TAF2: variants seen among roughly 807,000 people sequenced by gnomAD.
TAF2 encodes transcription initiation factor TFIID subunit 2.
A neutral mutation model predicts 138.5 loss-of-function variants in TAF2; 61 were observed. The observed-to-expected ratio is 0.44, with a 90% CI of 0.36 to 0.54. The LOEUF (loss-of-function observed/expected upper bound fraction) is 0.54. Ranked by LOEUF, TAF2 falls within the 20% of genes least tolerant of loss-of-function variation. The pLI is 0.00. For missense variants in TAF2, 1,090 were observed against 1,427.9 expected (o/e 0.76, Z 3.81); for synonymous variants, 475 against 469.9 (o/e 1.01, Z -0.14).
chr8:119,807,896 T>C (rs573461093), intron 3 of TAF2, among the ~76,000 whole-genome samples: 12 of 152,250 alleles, frequency 7.9e-5, no homozygotes, highest in African/African-American at 1.9e-4. Context: ...CACTCCAACC[T>C]GGGCAACAGA....
At chr8:119,748,743 T>A (rs1453388683) in intron 22 of TAF2, among the ~76,000 whole-genome samples, 10 of 152,128 alleles carry the variant, frequency 6.6e-5, no homozygotes, top group Non-Finnish European at 1.3e-4. Flanking sequence ...GAGGAGGTTA[T>A]CAGATTCCTG....
At chr8:119,831,099 T>C (rs916444523) in intron 2 of TAF2, among the ~76,000 whole-genome samples, 2 of 152,138 alleles carry the variant, frequency 1.3e-5, no homozygotes, top group African/African-American at 4.8e-5. Flanking sequence ...AGAGCGAGAC[T>C]CTGTCTCCAA....
At chr8:119,751,733 C>T (rs568470650) in intron 22 of TAF2, among the ~76,000 whole-genome samples, 35 of 152,088 alleles carry the variant, frequency 2.3e-4, no homozygotes, top group Non-Finnish European at 4.3e-4. Flanking sequence ...AAAACGACTG[C>T]CCCTGGCAAA....
At chr8:119,774,170 CA>C (rs551653966) in intron 18 of TAF2, among the ~76,000 whole-genome samples, 143 of 136,888 alleles carry the variant, frequency 1.0e-3, no homozygotes, top group African/African-American at 1.5e-3. Flanking sequence ...GACTCCATCT[CA>C]AAAAAAAAAA....
Position 119,760,590 on chromosome 8 carries a change from A to C in TAF2, c.2698+9T>G. 2 of 1,612,212 alleles carry C rather than the reference A, an allele frequency of 1.2e-6. No individual in the cohort carries two copies. The highest frequency in any genetic ancestry group is 2.7e-5 in the African/African-American group (2 of 75,042). On this transcript the variant is annotated intron_variant, in intron 20 of 25. Coordinates refer to ENST00000378164, the MANE Select transcript of TAF2 (RefSeq NM_003184.4). Reference sequence around the variant, plus strand: ...AAAATGATATGAGCACGTATTTCTAAAGTATTACCTTTAGTATAATCAACA... The same window carrying C: ...AAAATGATATGAGCACGTATTTCTACAGTATTACCTTTAGTATAATCAACA...
At chr8:119,810,076 G>A (rs1401903444) in intron 3 of TAF2, among the ~76,000 whole-genome samples, 1 of 150,356 alleles carries the variant, frequency 6.7e-6, no homozygotes, top group African/African-American at 2.4e-5. Flanking sequence ...AGGTATGCCT[G>A]TGTTTTTTTA....
chr8:119,731,934 AG>A lies in TAF2; in HGVS notation c.3589del (p.Leu1197PhefsTer20). On this transcript the variant is annotated frameshift_variant, in exon 26 of 26. Coordinates refer to ENST00000378164, the MANE Select transcript of TAF2 (RefSeq NM_003184.4). LOFTEE classifies it high-confidence loss of function. Reference protein sequence around the residue: ...ASGRSIRSPSLSD With the variant: ...ASGRSIRSPSXSD ...CTTTTTGTCCCCTTCTCAGTCTGAA[AG>A]GGAAGGAGAACGAATAGACCTGCCA... The A allele has an allele frequency of 6.2e-7, 1 of 1,614,142 alleles. No individual in the cohort carries two copies. The highest frequency in any genetic ancestry group is 1.3e-5 in the African/African-American group (1 of 75,056).
intron 18 of TAF2, among the ~76,000 whole-genome samples, chr8:119,765,586 T>C (rs1821368231): frequency 6.6e-6 from 1 of 152,180 alleles, no homozygotes; most frequent in Non-Finnish European, 1.5e-5. Flanking sequence ...ACATTCAAAA[T>C]GTTTTTGAAT....
At chr8:119,806,439 A>C in intron 3 of TAF2, 38 bp from the exon 4 acceptor site, 2 of 1,434,356 alleles carry the variant, frequency 1.4e-6, no homozygotes, top group Non-Finnish European at 2.0e-6. Flanking sequence ...ATAATAAGCC[A>C]TGTATCTTAC....
At chr8:119,754,661 T>C (rs1368114786) in intron 22 of TAF2, among the ~76,000 whole-genome samples, 6 of 150,826 alleles carry the variant, frequency 4.0e-5, no homozygotes, top group African/African-American at 1.5e-4. Flanking sequence ...CCAGCCTGGG[T>C]GACAGAGCAA....
intron 22 of TAF2, among the ~76,000 whole-genome samples, chr8:119,751,154 G>A (rs1207804662): frequency 6.6e-6 from 1 of 151,892 alleles, no homozygotes; most frequent in Non-Finnish European, 1.5e-5. Context: ...CTGTAATTCA[G>A]TATCTTACTT....
intron 6 of TAF2, among the ~76,000 whole-genome samples, chr8:119,798,382 T>C (rs938563003): frequency 1.3e-5 from 2 of 152,188 alleles, no homozygotes; most frequent in Admixed American, 6.5e-5. Context: ...ATAGTAACTC[T>C]GTTTTTTTTC....
Position 119,802,002 on chromosome 8 carries a change from G to T in TAF2, c.584C>A (p.Ser195Ter). The part of the protein sequence containing the change: ...STRFWFPCVD[S>*]YSELCTWKLE... ...TTTCCATGTACACAATTCAGAGTATGAATCAACACAAGGGAACCAAAATCT... is the reference window on the plus strand; with the variant it reads ...TTTCCATGTACACAATTCAGAGTATTAATCAACACAAGGGAACCAAAATCT... The change falls in exon 6 of 26, where the codon TCA (serine) becomes TAA (stop). Residue 195 changes from serine to a stop codon, truncating the protein, a stop_gained. Coordinates refer to ENST00000378164, the MANE Select transcript of TAF2 (RefSeq NM_003184.4). LOFTEE classifies it high-confidence loss of function. The T allele has an allele frequency of 6.2e-7, 1 of 1,613,898 alleles. No individual in the cohort carries two copies. Among genetic ancestry groups the T allele is most frequent in the South Asian group, 1.1e-5 (1 of 91,062 alleles).
chr8:119,798,035 CTTAAAAA>C (rs1823954649), intron 6 of TAF2, among the ~76,000 whole-genome samples, 189 bp from the exon 7 acceptor site: 1 of 152,100 alleles, frequency 6.6e-6, no homozygotes. Flanking sequence ...ATATTAACTA[CTTAAAAA>C]TTAAATTCAC....
intron 25 of TAF2, among the ~76,000 whole-genome samples, chr8:119,734,245 C>T (rs1056953404): frequency 6.6e-6 from 1 of 152,042 alleles, no homozygotes; most frequent in Admixed American, 6.6e-5. Flanking sequence ...CCTTGGACTT[C>T]AGTGAAGGAA....
At chr8:119,793,684 G>C (rs1048059087) in intron 9 of TAF2, among the ~76,000 whole-genome samples, 8 of 152,152 alleles carry the variant, frequency 5.3e-5, no homozygotes, top group Non-Finnish European at 1.2e-4. Flanking sequence ...TTCAGGGCTG[G>C]ACAGCAGCCT....
At chr8:119,734,825 T>C (rs1307208162) in intron 25 of TAF2, among the ~76,000 whole-genome samples, 1 of 152,054 alleles carries the variant, frequency 6.6e-6, no homozygotes, top group African/African-American at 2.4e-5. Flanking sequence ...TTAAATTAGT[T>C]GGGGGAAGAG....
Position 119,742,636 on chromosome 8 carries a change from C to A in TAF2, c.3235G>T (p.Ala1079Ser). Residue 1079 changes from alanine to serine, a missense_variant, in exon 25 of 26, where the codon GCT becomes TCT. Transcript: ENST00000378164. ...GGTATTAAAGCAGATCGGGAGCTAG[C>A]TGGCCGATATTTCGAGAGCCCTAAA... ...STPGLSKYRP[A>S]SSRSALIPQH... The A allele has an allele frequency of 6.2e-7, 1 of 1,613,786 alleles. No homozygotes were observed. Among genetic ancestry groups the A allele is most frequent in the Non-Finnish European group, 8.5e-7 (1 of 1,179,938 alleles).
At position 119,789,685 on chromosome 8, in the gene TAF2, A is replaced by AT. The variant is rs1823282000; in HGVS notation, c.1474dup (p.Met492AsnfsTer47). On this transcript the variant is annotated frameshift_variant, in exon 12 of 26. Transcript: ENST00000378164. LOFTEE classifies it high-confidence loss of function. ...TGTGGAAACCAACATCTGACTCCAC[A>AT]TATGTGACTGGAACTTCTGAGATGA... is the stretch of plus-strand genomic sequence containing the variant. 6.2e-7 allele frequency: 1 copy of AT among 1,613,808 alleles called. No individual in the cohort carries two copies. The highest frequency in any genetic ancestry group is 1.3e-5 in the African/African-American group (1 of 74,918).
Sources: allele counts gnomAD v4.1 joint callset (sites outside exome capture counted in the v4.1 genomes callset), GRCh38; gene constraint gnomAD v4.1.1; transcripts MANE v1.5; gene names NCBI Gene and HGNC (gene_info 2026-07-23, HGNC 2026-07-21).